The following CCDC175 variants were observed in gnomAD, a reference collection of about 807,000 sequenced individuals.
CCDC175 encodes the protein coiled-coil domain-containing protein 175.
A neutral mutation model predicts 114.6 loss-of-function variants in CCDC175; 100 were observed. The ratio of observed to expected loss-of-function variants is 0.87; its 90% CI spans 0.74 to 1.03. The LOEUF is 1.03. Among genes scored for constraint, CCDC175 ranks in the 50% least tolerant of loss-of-function variants. The probability of loss-of-function intolerance (pLI) is 0.00; values close to 1 mark genes in which losing one functional copy is unlikely to be tolerated. For missense variants in CCDC175, 880 were observed against 917.8 expected (o/e 0.96, Z 0.53); for synonymous variants, 306 against 308.7 (o/e 0.99, Z 0.09).
intron 7 of CCDC175, among the ~76,000 whole-genome samples, chr14:59,559,127 A>G (rs530639246): frequency 1.3e-3 from 195 of 152,324 alleles, no homozygotes; most frequent in South Asian, 3.1e-3. Flanking sequence ...AAAAGCAACT[A>G]TAGTCTCCAT....
chr14:59,556,389 G>A (rs577324225), intron 7 of CCDC175, among the ~76,000 whole-genome samples: 1 of 152,274 alleles, frequency 6.6e-6, no homozygotes, highest in African/African-American at 2.4e-5. Flanking sequence ...AAATGGTGCT[G>A]GGAAAACTGG....
intron 11 of CCDC175, among the ~76,000 whole-genome samples, chr14:59,539,409 C>T (rs991788957): frequency 6.6e-6 from 1 of 151,912 alleles, no homozygotes; most frequent in Non-Finnish European, 1.5e-5. Context: ...GAAACCCTGT[C>T]TCTACTAAAA....
At chr14:59,511,028 C>T (rs960755702) in intron 18 of CCDC175, among the ~76,000 whole-genome samples, 9 of 152,114 alleles carry the variant, frequency 5.9e-5, no homozygotes, top group South Asian at 2.1e-4. Flanking sequence ...GCTCACTGAA[C>T]TCAAATTTTT....
intron 8 of CCDC175, among the ~76,000 whole-genome samples, chr14:59,550,961 C>A (rs1259839536): frequency 6.6e-6 from 1 of 152,180 alleles, no homozygotes; most frequent in African/African-American, 2.4e-5. Flanking sequence ...TTAACCATCA[C>A]AATATGATAT....
chr14:59,505,446 AG>A (rs1468714013), intron 19 of CCDC175, 131 bp from the exon 20 acceptor site: 5 of 332,352 alleles, frequency 1.5e-5, no homozygotes, highest in Non-Finnish European at 2.5e-5. Context: ...GGGGTAGAGT[AG>A]GGAGGGGTGT....
At chr14:59,563,604 A>G (rs926254655) in intron 6 of CCDC175, 133 bp downstream of exon 6, 8 of 504,344 alleles carry the variant, frequency 1.6e-5, no homozygotes, top group Non-Finnish European at 2.1e-5. Flanking sequence ...AACGCTTTAA[A>G]GAAAGTGTCA....
chr14:59,572,369 A>T (rs1185246347), intron 3 of CCDC175, among the ~76,000 whole-genome samples: 2 of 152,206 alleles, frequency 1.3e-5, no homozygotes, highest in Non-Finnish European at 2.9e-5. Flanking sequence ...TATATGAGGT[A>T]CCCAGAGTAG....
chr14:59,505,183 A>G lies in CCDC175; in HGVS notation c.*56T>C, dbSNP rs1163597644. On this transcript the variant is annotated 3_prime_UTR_variant, in exon 20 of 20. Transcript: ENST00000537690. ...AGCTGCAAAATATGAAAGTAAGTGC[A>G]CTCACTTTTCCTGTAGTAGTCTGTC... 5.7e-6 allele frequency: 5 copies of G among 879,100 alleles called. No homozygotes were observed. In the African/African-American group the frequency reaches 6.8e-5, roughly 12 times the overall value. 54.5% of individuals were successfully genotyped at this position (879,100 alleles called of 1,614,324 possible).
intron 13 of CCDC175, among the ~76,000 whole-genome samples, chr14:59,533,966 G>T (rs183456195): frequency 7.2e-6 from 1 of 138,210 alleles, no homozygotes; most frequent in Non-Finnish European, 1.5e-5. Context: ...TCCAGCCTGG[G>T]CAACAGGGTG....
intron 14 of CCDC175, among the ~76,000 whole-genome samples, chr14:59,531,265 G>A (rs926480454): frequency 6.6e-6 from 1 of 151,986 alleles, no homozygotes; most frequent in African/African-American, 2.4e-5. Context: ...TTTAAAATAT[G>A]CATACTTTCG....
At chr14:59,544,795 G>A (rs1239342120) in intron 9 of CCDC175, among the ~76,000 whole-genome samples, 2 of 152,186 alleles carry the variant, frequency 1.3e-5, no homozygotes, top group African/African-American at 2.4e-5. Context: ...AGGTTTGGAT[G>A]AGGACATGAG....
chr14:59,563,022 G>C (rs1896310891), intron 6 of CCDC175, among the ~76,000 whole-genome samples: 1 of 152,128 alleles, frequency 6.6e-6, no homozygotes, highest in African/African-American at 2.4e-5. Context: ...AGGTTTGCAT[G>C]TGATTTTTCA....
chr14:59,506,990 TTC>T (rs1222756813), intron 19 of CCDC175, among the ~76,000 whole-genome samples: 2 of 152,218 alleles, frequency 1.3e-5, no homozygotes, highest in Non-Finnish European at 2.9e-5. Context: ...TAAGACAAAA[TTC>T]TTTTTACTTT....
intron 4 of CCDC175, among the ~76,000 whole-genome samples, chr14:59,567,981 G>A (rs955805814): frequency 1.3e-5 from 2 of 152,212 alleles, no homozygotes; most frequent in African/African-American, 4.8e-5. Context: ...TTTACAAACA[G>A]TAGTTGCTGC....
chr14:59,553,391 A>G (rs1261841099), intron 7 of CCDC175, among the ~76,000 whole-genome samples: 5 of 152,216 alleles, frequency 3.3e-5, no homozygotes, highest in African/African-American at 7.2e-5. Context: ...GAGAAATAAA[A>G]TCCTTTACAG....
In CCDC175 at chr14:59,563,875, T is replaced by A; in HGVS notation, c.721-16A>T. ...ATTCATTAATCTATAGTGACAAGCA[T>A]AAGAAACCAATTTAAAAAGCCTATT... On this transcript the variant is annotated splice_polypyrimidine_tract_variant and intron_variant, in intron 5 of 19. Transcript: ENST00000537690. 2.9e-6 allele frequency: 4 copies of A among 1,371,674 alleles called. No individual in the cohort carries two copies. The South Asian group carries it at 5.4e-5, about 18-fold the overall frequency. 85.0% of individuals were successfully genotyped at this position (1,371,674 alleles called of 1,614,324 possible).
At chr14:59,551,164 C>T in intron 8 of CCDC175, 191 bp downstream of exon 8, 1 of 408,692 alleles carries the variant, frequency 2.4e-6, no homozygotes, top group South Asian at 4.7e-5. Flanking sequence ...TGTACATGGA[C>T]AACCTTTGCT....
At position 59,505,334 on chromosome 14, in the gene CCDC175, A is replaced by G. The variant is rs771550199; in HGVS notation, c.2306-19T>C. ...TTCTTCTCTGTAGGAATAAAAAATA[A>G]ATATAAAAATTTTATTTGTATTGCA... On this transcript the variant is annotated intron_variant, in intron 19 of 19. Transcript: ENST00000537690. 8 of 1,375,382 alleles carry G rather than the reference A, an allele frequency of 5.8e-6. No homozygotes were observed. Among genetic ancestry groups the G allele is most frequent in the South Asian group, 5.7e-5 (4 of 70,332 alleles). The allele number at this position is 1,375,382 out of a possible 1,614,324, so 85.2% of individuals were successfully genotyped here. A position where few individuals can be genotyped will look rare whatever the true frequency, so the allele number is the denominator to read the frequency against.
chr14:59,557,102 C>T (rs1455516785), intron 7 of CCDC175, among the ~76,000 whole-genome samples: 1 of 152,126 alleles, frequency 6.6e-6, no homozygotes, highest in Non-Finnish European at 1.5e-5. Flanking sequence ...TTGACCCAGC[C>T]ATCCCATTAC....
Sources: gnomAD v4.1 joint callset for allele counts (sites outside exome capture counted in the v4.1 genomes callset) on GRCh38, gnomAD v4.1.1 for gene constraint, MANE v1.5 for transcripts, NCBI Gene and HGNC (gene_info 2026-07-23, HGNC 2026-07-21) for gene names.